The following HTR1F variants were observed in gnomAD, a reference collection of about 807,000 sequenced individuals.
HTR1F encodes 5-hydroxytryptamine receptor 1F.
In HTR1F, 17 loss-of-function variants were observed where a neutral mutation model predicts 24.0. The observed-to-expected ratio is 0.71, with a 90% CI of 0.48 to 1.06. The LOEUF (loss-of-function observed/expected upper bound fraction) is 1.06. Among genes scored for constraint, HTR1F ranks in the 50% least tolerant of loss-of-function variants. The pLI is 0.00. For synonymous variants in HTR1F, 186 were observed against 156.8 expected, an observed-to-expected ratio of 1.19 and a Z score of -1.39; for missense variants, 391 against 427.8, an observed-to-expected ratio of 0.91 and a Z score of 0.76.
At chr3:87,824,360 T>A (rs1704419762) in intron 2 of HTR1F, among the ~76,000 whole-genome samples, 1 of 152,178 alleles carries the variant, frequency 6.6e-6, no homozygotes, top group Admixed American at 6.5e-5. Context: ...TGATGCCCTT[T>A]AAAATGCGAC....
intron 2 of HTR1F, among the ~76,000 whole-genome samples, chr3:87,948,012 GA>G (rs748830215): frequency 6.6e-6 from 1 of 151,778 alleles, no homozygotes; most frequent in African/African-American, 2.4e-5. Context: ...GTCAAAGAGT[GA>G]AAAAAATCCT....
At chr3:87,968,532 C>T (rs1231643393) in intron 2 of HTR1F, among the ~76,000 whole-genome samples, 1 of 152,020 alleles carries the variant, frequency 6.6e-6, no homozygotes, top group African/African-American at 2.4e-5. Context: ...AATTTCTAAG[C>T]AGCAAAGAAT....
chr3:87,798,864 C>T (rs975210108), intron 1 of HTR1F, among the ~76,000 whole-genome samples: 43 of 152,182 alleles, frequency 2.8e-4, no homozygotes, highest in African/African-American at 1.0e-3. Context: ...TCTGACAGCA[C>T]TCTCTTGGTC....
At chr3:87,947,872 C>T (rs1704746291) in intron 2 of HTR1F, among the ~76,000 whole-genome samples, 1 of 152,052 alleles carries the variant, frequency 6.6e-6, no homozygotes, top group African/African-American at 2.4e-5. Flanking sequence ...TCTTAACACA[C>T]TCAAATCGAA....
At chr3:87,873,880 T>C (rs1215870160) in intron 2 of HTR1F, among the ~76,000 whole-genome samples, 5 of 152,134 alleles carry the variant, frequency 3.3e-5, no homozygotes, top group Admixed American at 2.0e-4. Flanking sequence ...AAAAACCATA[T>C]GATTATCTCA....
chr3:87,823,516 A>T (rs1490797884), intron 2 of HTR1F, among the ~76,000 whole-genome samples: 30 of 139,312 alleles, frequency 2.2e-4, no homozygotes, highest in African/African-American at 4.5e-4. Context: ...CTGGTCCCAT[A>T]TTTTTTTTTT....
intron 2 of HTR1F, among the ~76,000 whole-genome samples, chr3:87,877,529 G>A (rs899570055): frequency 4.6e-5 from 7 of 152,070 alleles, no homozygotes; most frequent in Non-Finnish European, 7.4e-5. Context: ...TTATTACAAT[G>A]TGCTAAGCAC....
At chr3:87,927,023 GAA>G (rs1355545078) in intron 2 of HTR1F, among the ~76,000 whole-genome samples, 2 of 144,118 alleles carry the variant, frequency 1.4e-5, no homozygotes, top group East Asian at 4.1e-4. Context: ...CTGCTTTGAT[GAA>G]AAGAGAAAAA....
intron 2 of HTR1F, among the ~76,000 whole-genome samples, chr3:87,982,233 A>G (rs968514511): frequency 2.6e-5 from 4 of 152,102 alleles, no homozygotes; most frequent in Non-Finnish European, 5.9e-5. Context: ...CTTTCTAAAT[A>G]TTTTTAAATA....
At chr3:87,985,336 CAAA>C (rs11337146) in intron 2 of HTR1F, among the ~76,000 whole-genome samples, 1 of 144,314 alleles carries the variant, frequency 6.9e-6, no homozygotes. Flanking sequence ...ACCTCCATCT[CAAA>C]AAAAAAAAAG....
At chr3:87,890,540 C>CTT (rs1706055974) in intron 2 of HTR1F, among the ~76,000 whole-genome samples, 1 of 134,534 alleles carries the variant, frequency 7.4e-6, no homozygotes, top group Non-Finnish European at 1.6e-5. Context: ...GCTCCTGATG[C>CTT]CTTTTTTTTT....
At chr3:87,849,854 A>T (rs1705040579) in intron 2 of HTR1F, among the ~76,000 whole-genome samples, 1 of 152,016 alleles carries the variant, frequency 6.6e-6, no homozygotes, top group South Asian at 2.1e-4. Flanking sequence ...GACAGATGAA[A>T]AAATGCTCAT....
intron 2 of HTR1F, among the ~76,000 whole-genome samples, chr3:87,960,308 A>G (rs1705033360): frequency 6.6e-6 from 1 of 152,020 alleles, no homozygotes; most frequent in Non-Finnish European, 1.5e-5. Flanking sequence ...AATAAATCAC[A>G]AAAAGAAGTG....
At chr3:87,955,949 T>C (rs1477462300) in intron 2 of HTR1F, among the ~76,000 whole-genome samples, 1 of 151,488 alleles carries the variant, frequency 6.6e-6, no homozygotes, top group Non-Finnish European at 1.5e-5. Context: ...GATACAAATA[T>C]TTTATCATGC....
At chr3:87,897,722 A>C (rs974269615) in intron 2 of HTR1F, among the ~76,000 whole-genome samples, 1 of 151,992 alleles carries the variant, frequency 6.6e-6, no homozygotes, top group Non-Finnish European at 1.5e-5. Context: ...CTTTCCCAGA[A>C]GCAACCATTT....
chr3:87,902,634 C>T lies in HTR1F; in HGVS notation c.-43+80510C>T, dbSNP rs1252259050. Among the ~76,000 whole-genome samples, 6 of 151,588 alleles carry T rather than the reference C, an allele frequency of 4.0e-5. No homozygotes were observed. In the East Asian group the frequency reaches 1.2e-3, roughly 29 times the overall value. ...TTATTATACTTTAAGTTTTAGGGTA[C>T]ATGTGCACAATGTGCAGGTTAGTTA... On this transcript the variant is annotated intron_variant, in intron 2 of 2. Coordinates refer to ENST00000319595, the MANE Select transcript of HTR1F (RefSeq NM_001322209.2).
chr3:87,806,601 A>G (rs1704078223), intron 1 of HTR1F, among the ~76,000 whole-genome samples: 2 of 152,052 alleles, frequency 1.3e-5, no homozygotes, highest in African/African-American at 4.8e-5. Flanking sequence ...CCTATTCAAC[A>G]GGTTGTCTCT....
intron 2 of HTR1F, among the ~76,000 whole-genome samples, chr3:87,831,745 A>G (rs1243275037): frequency 6.6e-6 from 1 of 152,214 alleles, no homozygotes; most frequent in Non-Finnish European, 1.5e-5. Flanking sequence ...TACTAATATT[A>G]TCTCAAAAGG....
Position 87,977,500 on chromosome 3 carries a change from G to A in HTR1F, c.-42-13208G>A, listed in dbSNP as rs368570474. 6.5e-4 allele frequency among the ~76,000 whole-genome samples: 94 copies of A among 145,248 alleles called. 1 individual carries two copies. The South Asian group carries it at 0.016, about 25-fold the overall frequency. On this transcript the variant is annotated intron_variant, in intron 2 of 2. Coordinates refer to ENST00000319595, the MANE Select transcript of HTR1F (RefSeq NM_001322209.2). The stretch of plus-strand genomic sequence containing the variant: ...TGCAAACTCCACCTCCCGGGTCCAC[G>A]CCATTCTCCTGCCTCAGCCTCCTGA...
Sources: allele counts gnomAD v4.1 joint callset (sites outside exome capture counted in the v4.1 genomes callset), GRCh38; gene constraint gnomAD v4.1.1; transcripts MANE v1.5; gene names NCBI Gene and HGNC (gene_info 2026-07-23, HGNC 2026-07-21).